The following IQCM variants were observed in gnomAD, a reference collection of about 807,000 sequenced individuals.
IQCM encodes IQ motif containing M.
A neutral mutation model predicts 57.6 loss-of-function variants in IQCM; 45 were observed. The observed-to-expected ratio is 0.78, with a 90% CI of 0.62 to 1.00. The LOEUF (loss-of-function observed/expected upper bound fraction) is 1.00. IQCM is among the 50% of genes least tolerant of loss of function. The pLI, the probability that IQCM is intolerant of heterozygous loss-of-function variation, is 0.00. For missense variants in IQCM, 468 were observed against 511.6 expected, an observed-to-expected ratio of 0.91 and a Z score of 0.82; for synonymous variants, 148 against 158.9, an observed-to-expected ratio of 0.93 and a Z score of 0.51.
At chr4:149,425,522 C>T (rs1000222014) in intron 13 of IQCM, among the ~76,000 whole-genome samples, 5 of 151,954 alleles carry the variant, frequency 3.3e-5, no homozygotes, top group African/African-American at 1.2e-4. Flanking sequence ...GCACTGATGT[C>T]CAAGGCAGGA....
intron 13 of IQCM, among the ~76,000 whole-genome samples, chr4:149,405,183 A>G (rs1276702377): frequency 6.6e-6 from 1 of 152,134 alleles, no homozygotes; most frequent in African/African-American, 2.4e-5. Flanking sequence ...ATCAAATTGC[A>G]TAAAGTCATA....
chr4:149,753,934 C>A (rs981837600), intron 2 of IQCM, among the ~76,000 whole-genome samples: 1 of 151,922 alleles, frequency 6.6e-6, no homozygotes, highest in African/African-American at 2.4e-5. Context: ...AAAAATAAAT[C>A]CACACCCAGA....
rs115208853 is a variant in IQCM at position 149,589,308 on chromosome 4, T to C, written c.682-1311A>G. 7.1e-3 allele frequency among the ~76,000 whole-genome samples: 1,074 copies of C among 152,150 alleles called. 7 individuals carry two copies. Among genetic ancestry groups the C allele is most frequent in the Non-Finnish European group, 0.012 (837 of 67,952 alleles). On this transcript the variant is annotated intron_variant, in intron 8 of 13. Coordinates refer to ENST00000636793, the MANE Select transcript of IQCM (RefSeq NM_001363507.2). ...AACAAAAATTTATTGGTCAGTGATA[T>C]ATGGTGTGCTCATGATACCACAAGG...
intron 10 of IQCM, among the ~76,000 whole-genome samples, chr4:149,562,118 A>G (rs1750182347): frequency 2.0e-5 from 3 of 152,324 alleles, no homozygotes; most frequent in Admixed American, 6.5e-5. Context: ...CGTGTGTACT[A>G]TGTTATAGTT....
At chr4:149,442,911 A>G (rs1736090238) in intron 12 of IQCM, among the ~76,000 whole-genome samples, 1 of 149,302 alleles carries the variant, frequency 6.7e-6, no homozygotes, top group Non-Finnish European at 1.5e-5. Context: ...AAGAACTAGC[A>G]GGCTATCTCT....
At chr4:149,462,969 T>C (rs1349391233) in intron 12 of IQCM, among the ~76,000 whole-genome samples, 1 of 152,210 alleles carries the variant, frequency 6.6e-6, no homozygotes, top group Non-Finnish European at 1.5e-5. Flanking sequence ...CTCTGTCCCT[T>C]TTCTACAAAT....
intron 5 of IQCM, among the ~76,000 whole-genome samples, chr4:149,722,764 C>T (rs1474974789): frequency 2.0e-5 from 3 of 151,792 alleles, no homozygotes; most frequent in Non-Finnish European, 2.9e-5. Context: ...ATTGCTTTGT[C>T]TATTTGAGCT....
At chr4:149,782,342 A>T (rs1335037565) in intron 2 of IQCM, among the ~76,000 whole-genome samples, 1 of 152,210 alleles carries the variant, frequency 6.6e-6, no homozygotes, top group Non-Finnish European at 1.5e-5. Flanking sequence ...GATTTTTCCC[A>T]AAATATTTTT....
chr4:149,451,718 C>T (rs745738836), intron 12 of IQCM, among the ~76,000 whole-genome samples: 3 of 151,590 alleles, frequency 2.0e-5, no homozygotes, highest in Admixed American at 6.6e-5. Flanking sequence ...ATTTTCTCAG[C>T]GGTGTACAGA....
chr4:149,746,228 C>T (rs1767922387), intron 2 of IQCM, among the ~76,000 whole-genome samples: 1 of 152,096 alleles, frequency 6.6e-6, no homozygotes, highest in South Asian at 2.1e-4. Context: ...TTCACCCTTC[C>T]CCATTTCTCT....
chr4:149,699,695 C>CAAAA lies in IQCM; in HGVS notation c.386-13231_386-13228dup, dbSNP rs34250922. Among the ~76,000 whole-genome samples, 81 of 25,930 alleles carry CAAAA rather than the reference C, an allele frequency of 3.1e-3. 1 individual carries two copies. The highest frequency in any genetic ancestry group is 0.01 in the African/African-American group (80 of 7,702). The allele number at this position is 25,930 out of a possible 152,430, so 17.0% of individuals were successfully genotyped here. On this transcript the variant is annotated intron_variant, in intron 5 of 13. Coordinates refer to ENST00000636793, the MANE Select transcript of IQCM (RefSeq NM_001363507.2). ...CCTGGGTTAAAAGGGGTTTGAGTGG[C>CAAAA]AAAAAAAAAAAAAAAAAAAAAAAAA...
chr4:149,568,871 C>T (rs1046564913), intron 9 of IQCM, among the ~76,000 whole-genome samples: 4 of 152,140 alleles, frequency 2.6e-5, no homozygotes, highest in African/African-American at 9.7e-5. Flanking sequence ...CTCCTTAAAT[C>T]CATACCTTTG....
At chr4:149,547,635 T>A (rs1254087083) in intron 12 of IQCM, among the ~76,000 whole-genome samples, 2 of 152,174 alleles carry the variant, frequency 1.3e-5, no homozygotes, top group East Asian at 3.9e-4. Context: ...AGGAGAAGAG[T>A]TCTTATGTGT....
intron 7 of IQCM, among the ~76,000 whole-genome samples, chr4:149,674,566 G>T (rs1761586569): frequency 6.6e-6 from 1 of 152,110 alleles, no homozygotes; most frequent in Non-Finnish European, 1.5e-5. Context: ...TGGCCTTACT[G>T]TTAGAGAGGC....
At chr4:149,609,633 A>C (rs1161305059) in intron 8 of IQCM, among the ~76,000 whole-genome samples, 1 of 151,936 alleles carries the variant, frequency 6.6e-6, no homozygotes, top group Non-Finnish European at 1.5e-5. Context: ...AAGGACAAAA[A>C]TCATATGATT....
chr4:149,441,419 G>T (rs911812484), intron 12 of IQCM, among the ~76,000 whole-genome samples: 1 of 152,094 alleles, frequency 6.6e-6, no homozygotes, highest in South Asian at 2.1e-4. Context: ...AAGAAAAAGG[G>T]TTACTGATCC....
intron 10 of IQCM, among the ~76,000 whole-genome samples, chr4:149,561,412 T>C (rs1204584696): frequency 2.0e-5 from 3 of 152,020 alleles, no homozygotes; most frequent in Admixed American, 2.0e-4. Flanking sequence ...ACTTTAAGGA[T>C]GTGTGTGTGT....
intron 2 of IQCM, among the ~76,000 whole-genome samples, chr4:149,772,414 A>AC (rs779183953): frequency 1.3e-5 from 2 of 151,940 alleles, no homozygotes; most frequent in East Asian, 3.9e-4. Flanking sequence ...ACATACACGC[A>AC]CCCCCCATTC....
rs952169289 is a variant in IQCM at position 149,674,541 on chromosome 4, CA to C, written c.565+7576del. 1.2e-4 allele frequency among the ~76,000 whole-genome samples: 18 copies of C among 152,166 alleles called. 1 individual carries two copies. The highest frequency in any genetic ancestry group is 1.2e-4 in the Non-Finnish European group (8 of 67,992). On this transcript the variant is annotated intron_variant, in intron 7 of 13. Coordinates refer to ENST00000636793, the MANE Select transcript of IQCM (RefSeq NM_001363507.2). ...CTGGAGGATGTGGCTATGCCTATGA[CA>C]GAGTAGTCAGGGATGGCCTTACTGT...
Sources: allele counts gnomAD v4.1 joint callset (sites outside exome capture counted in the v4.1 genomes callset), GRCh38; gene constraint gnomAD v4.1.1; transcripts MANE v1.5; gene names NCBI Gene and HGNC (gene_info 2026-07-23, HGNC 2026-07-21).